Variants in NKAIN2 observed in about 807,000 individuals in gnomAD.
NKAIN2 encodes sodium/potassium-transporting ATPase subunit beta-1-interacting protein 2.
A neutral mutation model predicts 32.6 loss-of-function variants in NKAIN2; 14 were observed. The ratio of observed to expected loss-of-function variants is 0.43; its 90% confidence interval spans 0.28 to 0.67. NKAIN2 has a LOEUF of 0.67. Among genes scored for constraint, NKAIN2 ranks in the 30% least tolerant of loss-of-function variants. The probability of loss-of-function intolerance (pLI) is 0.17; values close to 1 mark genes in which losing one functional copy is unlikely to be tolerated. For synonymous variants in NKAIN2, 80 were observed against 87.2 expected, an observed-to-expected ratio of 0.92 and a Z score of 0.46; for missense variants, 198 against 258.3, an observed-to-expected ratio of 0.77 and a Z score of 1.60.
intron 1 of NKAIN2, among the ~76,000 whole-genome samples, chr6:123,958,267 A>G (rs1357245589): frequency 6.6e-6 from 1 of 152,182 alleles, no homozygotes; most frequent in Non-Finnish European, 1.5e-5. Context: ...ATCATCAGAA[A>G]TCATCAGGAA....
chr6:124,230,614 C>G (rs1424708461), intron 1 of NKAIN2, among the ~76,000 whole-genome samples: 1 of 152,148 alleles, frequency 6.6e-6, no homozygotes, highest in Non-Finnish European at 1.5e-5. Context: ...ACTTGGTGCC[C>G]TATGTCCCAG....
intron 5 of NKAIN2, among the ~76,000 whole-genome samples, chr6:124,816,017 A>G (rs1371627925): frequency 6.6e-6 from 1 of 152,176 alleles, no homozygotes; most frequent in East Asian, 1.9e-4. Flanking sequence ...TGGTCCTTCT[A>G]ATATCAGGGT....
At chr6:124,267,702 T>G (rs1447089657) in intron 1 of NKAIN2, among the ~76,000 whole-genome samples, 2 of 152,182 alleles carry the variant, frequency 1.3e-5, no homozygotes, top group African/African-American at 4.8e-5. Flanking sequence ...TCCAAAATAT[T>G]TTTAAAGCAG....
chr6:124,755,303 C>T (rs1562365159), intron 4 of NKAIN2, among the ~76,000 whole-genome samples: 2 of 152,116 alleles, frequency 1.3e-5, no homozygotes, highest in African/African-American at 2.4e-5. Context: ...CACCTTCTTC[C>T]ACCAGCTTTG....
At chr6:123,956,168 G>A (rs1352967719) in intron 1 of NKAIN2, among the ~76,000 whole-genome samples, 1 of 152,034 alleles carries the variant, frequency 6.6e-6, no homozygotes, top group Non-Finnish European at 1.5e-5. Context: ...TGCTTGACTT[G>A]GGAGAATAGA....
chr6:124,142,785 A>C (rs1787209252), intron 1 of NKAIN2, among the ~76,000 whole-genome samples: 1 of 152,192 alleles, frequency 6.6e-6, no homozygotes, highest in South Asian at 2.1e-4. Flanking sequence ...TTTCTAAAGC[A>C]TTCATTTTAT....
chr6:124,016,325 T>C (rs192016430), intron 1 of NKAIN2, among the ~76,000 whole-genome samples: 1 of 152,254 alleles, frequency 6.6e-6, no homozygotes, highest in East Asian at 1.9e-4. Context: ...TAATCATAAA[T>C]ATAATAATTT....
intron 1 of NKAIN2, among the ~76,000 whole-genome samples, chr6:124,233,239 A>G (rs1021882758): frequency 1.3e-5 from 2 of 152,122 alleles, no homozygotes; most frequent in African/African-American, 4.8e-5. Context: ...AAAAAAAAAC[A>G]GAAGTTCACT....
At chr6:124,683,102 G>T (rs369033041) in intron 4 of NKAIN2, among the ~76,000 whole-genome samples, 1 of 152,266 alleles carries the variant, frequency 6.6e-6, no homozygotes, top group Admixed American at 6.5e-5. Flanking sequence ...AAACACATTT[G>T]TAACAAACAT....
intron 3 of NKAIN2, among the ~76,000 whole-genome samples, chr6:124,614,131 T>C (rs1228491691): frequency 2.0e-5 from 3 of 152,176 alleles, no homozygotes; most frequent in Non-Finnish European, 4.4e-5. Flanking sequence ...CGGTGGCTCA[T>C]GCCTGTAATC....
intron 1 of NKAIN2, among the ~76,000 whole-genome samples, chr6:124,189,235 C>G (rs9491081): frequency 0.12 from 17,990 of 152,036 alleles, 2,486 homozygotes; most frequent in African/African-American, 0.33. Context: ...CATGATTGTG[C>G]TGTGAAAAGT....
In NKAIN2 at chr6:124,791,371, G is replaced by A. The variant is rs1458409102; in HGVS notation, c.507G>A (p.Val169=). The A allele has an allele frequency of 3.7e-6, 6 of 1,609,154 alleles. No homozygotes were observed. The highest frequency in any genetic ancestry group is 2.2e-5 in the East Asian group (1 of 44,816). The change falls in exon 5 of 7, where the codon GTG becomes GTA. Residue 169 remains valine, a synonymous_variant. Coordinates refer to ENST00000368417, the MANE Select transcript of NKAIN2 (RefSeq NM_001040214.3). The part of the protein sequence containing the change: ...LAGFIYACYV[V]KCITEEEDSF... Reference sequence around the variant, plus strand: ...GTTTCATCTACGCCTGTTATGTTGTGAAATGTATAACTGAAGAAGAGGACA... The same window carrying A: ...GTTTCATCTACGCCTGTTATGTTGTAAAATGTATAACTGAAGAAGAGGACA...
chr6:123,836,740 G>A (rs1774642454), intron 1 of NKAIN2, among the ~76,000 whole-genome samples: 2 of 152,078 alleles, frequency 1.3e-5, no homozygotes, highest in South Asian at 4.1e-4. Flanking sequence ...GTTTGCTTTT[G>A]AGAAAAGTAC....
chr6:124,809,080 G>T (rs1780748011), intron 5 of NKAIN2, among the ~76,000 whole-genome samples: 1 of 152,134 alleles, frequency 6.6e-6, no homozygotes, highest in South Asian at 2.1e-4. Context: ...CAGATTCAAT[G>T]CCATCCCCAT....
intron 3 of NKAIN2, among the ~76,000 whole-genome samples, chr6:124,452,326 C>CCT: frequency 6.6e-6 from 1 of 152,032 alleles, no homozygotes; most frequent in East Asian, 1.9e-4. Context: ...CATTGGTCAA[C>CCT]AAAGTGTAAT....
chr6:123,930,639 T>C (rs1776212424), intron 1 of NKAIN2, among the ~76,000 whole-genome samples: 1 of 152,196 alleles, frequency 6.6e-6, no homozygotes, highest in Non-Finnish European at 1.5e-5. Flanking sequence ...TTTAATAGTA[T>C]AACAAATCCC....
chr6:124,706,975 T>G (rs1775114114), intron 4 of NKAIN2, among the ~76,000 whole-genome samples: 1 of 151,312 alleles, frequency 6.6e-6, no homozygotes, highest in African/African-American at 2.4e-5. Flanking sequence ...TATCTCCCAA[T>G]GCTATCCGTC....
At chr6:124,670,296 G>C (rs921523876) in intron 4 of NKAIN2, among the ~76,000 whole-genome samples, 2 of 151,994 alleles carry the variant, frequency 1.3e-5, no homozygotes, top group Non-Finnish European at 2.9e-5. Context: ...CCTTGCCAAA[G>C]GTTGATTGGC....
At chr6:124,207,141 A>G (rs73770360) in intron 1 of NKAIN2, among the ~76,000 whole-genome samples, 5,601 of 151,650 alleles carry the variant, frequency 0.037, 345 homozygotes, top group African/African-American at 0.13. Flanking sequence ...ATAATAAGGA[A>G]CTTTGCCAGG....
Sources: gnomAD v4.1 joint callset for allele counts (sites outside exome capture counted in the v4.1 genomes callset) on GRCh38, gnomAD v4.1.1 for gene constraint, MANE v1.5 for transcripts, NCBI Gene and HGNC (gene_info 2026-07-23, HGNC 2026-07-21) for gene names.